The following KCNK2 variants were observed in gnomAD, a reference collection of about 807,000 sequenced individuals.
The protein encoded by KCNK2 is potassium channel subfamily K member 2.
A neutral mutation model predicts 40.5 loss-of-function variants in KCNK2; 21 were observed. The ratio of observed to expected loss-of-function variants is 0.52; its 90% CI spans 0.37 to 0.75. KCNK2 has a LOEUF of 0.75. Ranked by LOEUF, KCNK2 falls within the 30% of genes least tolerant of loss-of-function variation. The pLI, the probability that KCNK2 is intolerant of heterozygous loss-of-function variation, is 0.00. For synonymous variants in KCNK2, 191 were observed against 202.2 expected (o/e 0.94, Z 0.47); for missense variants, 399 against 531.6 (o/e 0.75, Z 2.45).
At chr1:215,173,682 T>C (rs1175872910) in intron 5 of KCNK2, among the ~76,000 whole-genome samples, 1 of 152,200 alleles carries the variant, frequency 6.6e-6, no homozygotes, top group Non-Finnish European at 1.5e-5. Flanking sequence ...TGAGATGGTG[T>C]CTCATTGTGG....
intron 1 of KCNK2, among the ~76,000 whole-genome samples, chr1:215,059,767 T>C (rs947241111): frequency 9.9e-5 from 15 of 152,054 alleles, no homozygotes; most frequent in Admixed American, 6.5e-5. Context: ...GGGAGAAAGA[T>C]AGAAAAGAAG....
intron 6 of KCNK2, among the ~76,000 whole-genome samples, chr1:215,202,253 G>A (rs2102674217): frequency 6.6e-6 from 1 of 152,292 alleles, no homozygotes; most frequent in African/African-American, 2.4e-5. Context: ...CACGGGGAGA[G>A]GGGTGTCCTT....
chr1:215,029,567 A>G (rs1657113844), intron 1 of KCNK2, among the ~76,000 whole-genome samples: 1 of 146,994 alleles, frequency 6.8e-6, no homozygotes, highest in East Asian at 1.9e-4. Flanking sequence ...ATTAATATAT[A>G]TTTAATATAT....
chr1:215,208,088 A>G (rs1011250521), intron 6 of KCNK2, among the ~76,000 whole-genome samples: 1 of 152,220 alleles, frequency 6.6e-6, no homozygotes, highest in East Asian at 1.9e-4. Flanking sequence ...TCACTGCAAC[A>G]CTATTCACAA....
chr1:215,139,612 C>A (rs1297997058), intron 3 of KCNK2, among the ~76,000 whole-genome samples: 1 of 152,066 alleles, frequency 6.6e-6, no homozygotes, highest in East Asian at 1.9e-4. Context: ...GGTGAAATCC[C>A]ATCTCTACTA....
rs1666872743 is a variant in KCNK2, at chr1:215,236,056, CTAT to C, written c.*912_*914del. The C allele has an allele frequency of 5.1e-5, 2 of 39,268 alleles. No individual in the cohort carries two copies. Among genetic ancestry groups the C allele is most frequent in the Admixed American group, 2.8e-4 (1 of 3,516 alleles). The allele number at this position is 39,268 out of a possible 1,614,324, so 2.4% of individuals were successfully genotyped here. On this transcript the variant is annotated 3_prime_UTR_variant, in exon 7 of 7. Transcript: ENST00000444842. The stretch of plus-strand genomic sequence containing the variant: ...AGGCAGAAGAAGAAAATCTATCTAT[CTAT>C]CTATCTATCTATCTATCTATCTATC...
At chr1:215,015,818 C>T (rs150900125) in intron 1 of KCNK2, among the ~76,000 whole-genome samples, 9 of 152,138 alleles carry the variant, frequency 5.9e-5, no homozygotes, top group African/African-American at 1.7e-4. Flanking sequence ...TGGACTGAAA[C>T]GATAATACTG....
In KCNK2 at chr1:215,166,887, G is replaced by A. The variant is rs575048723; in HGVS notation, c.476-2312G>A. ...AAGAAAGTGTAGGATTTCTCTCAAG[G>A]AATTGAGTTACTACGTGGTTCAACA... On this transcript the variant is annotated intron_variant, in intron 3 of 6. Coordinates refer to ENST00000444842, the MANE Select transcript of KCNK2 (RefSeq NM_001017425.3). 6.6e-5 allele frequency among the ~76,000 whole-genome samples: 10 copies of A among 152,060 alleles called. No individual in the cohort carries two copies. The East Asian group carries it at 7.7e-4, about 12-fold the overall frequency.
At chr1:215,152,229 G>A (rs1426868224) in intron 3 of KCNK2, among the ~76,000 whole-genome samples, 1 of 151,976 alleles carries the variant, frequency 6.6e-6, no homozygotes, top group Non-Finnish European at 1.5e-5. Context: ...TGAGTAGATA[G>A]AACATTTTAG....
intron 1 of KCNK2, among the ~76,000 whole-genome samples, chr1:215,085,626 C>T (rs1343747153): frequency 6.6e-6 from 1 of 152,178 alleles, no homozygotes; most frequent in Admixed American, 6.5e-5. Flanking sequence ...AAGGAAGTTA[C>T]TTGTCTTCTC....
intron 1 of KCNK2, among the ~76,000 whole-genome samples, chr1:215,006,656 G>A (rs1259231954): frequency 3.9e-5 from 6 of 151,998 alleles, no homozygotes; most frequent in Non-Finnish European, 7.4e-5. Flanking sequence ...ATTAAATGTA[G>A]CAAAGTCCAT....
Position 215,216,784 on chromosome 1 carries a change from G to A in KCNK2, c.964-18044G>A, listed in dbSNP as rs569763186. ...TTTTTAATAATAAATCTTCAAAATC[G>A]GTGTGTATGTTACACTTAGAGCACA... On this transcript the variant is annotated intron_variant, in intron 6 of 6. Coordinates refer to ENST00000444842, the MANE Select transcript of KCNK2 (RefSeq NM_001017425.3). 3.3e-5 allele frequency among the ~76,000 whole-genome samples: 5 copies of A among 152,040 alleles called. No individual in the cohort carries two copies. The South Asian group carries it at 1.0e-3, about 32-fold the overall frequency.
At position 215,123,427 on chromosome 1, in the gene KCNK2, A is replaced by G. The variant is rs140680723; in HGVS notation, c.358-1206A>G. On this transcript the variant is annotated intron_variant, in intron 2 of 6. Transcript: ENST00000444842. Reference sequence around the variant, plus strand: ...TATTTTTTTTTTTTACAAAGATCATATATCACTGTTAAAGTAAATAAAAGC... The same window carrying G: ...TATTTTTTTTTTTTACAAAGATCATGTATCACTGTTAAAGTAAATAAAAGC... Among the ~76,000 whole-genome samples the G allele has an allele frequency of 5.0e-3, 759 of 151,694 alleles. 5 individuals carry two copies. The highest frequency in any genetic ancestry group is 0.014 in the Middle Eastern group (4 of 294).
intron 1 of KCNK2, among the ~76,000 whole-genome samples, chr1:215,073,372 T>C (rs1044031879): frequency 2.6e-5 from 4 of 152,198 alleles, no homozygotes; most frequent in Non-Finnish European, 5.9e-5. Context: ...TAATAATTCT[T>C]GCAAAGGGGT....
Position 215,234,953 on chromosome 1 carries a change from G to A in KCNK2, c.1089G>A (p.Arg363=), listed in dbSNP as rs1325886790. ...TCCAGCGGGCCACCTCCATCAAGCG[G>A]AAGCTCTCGGCAGAACTGGCTGGAA... is the stretch of plus-strand genomic sequence containing the variant. The part of the protein sequence containing the change: ...DKFQRATSIK[R]KLSAELAGNH... Residue 363 remains arginine, a synonymous_variant, in exon 7 of 7, where the codon CGG becomes CGA. Coordinates refer to ENST00000444842, the MANE Select transcript of KCNK2 (RefSeq NM_001017425.3). The A allele has an allele frequency of 6.2e-7, 1 of 1,614,074 alleles. No homozygotes were observed. Among genetic ancestry groups the A allele is most frequent in the African/African-American group, 1.3e-5 (1 of 75,022 alleles).
rs780429822 is a variant in KCNK2 at position 215,234,956 on chromosome 1, G to T, written c.1092G>T (p.Lys364Asn). ...KFQRATSIKR[K>N]LSAELAGNHN... ...AGCGGGCCACCTCCATCAAGCGGAAGCTCTCGGCAGAACTGGCTGGAAACC... is the reference window on the plus strand; with the variant it reads ...AGCGGGCCACCTCCATCAAGCGGAATCTCTCGGCAGAACTGGCTGGAAACC... Residue 364 changes from lysine to asparagine, a missense_variant, in exon 7 of 7, where the codon AAG becomes AAT. This residue lies in a region of KCNK2 where 103 missense variants were observed against 124.3 expected (regional missense o/e 0.83). Transcript: ENST00000444842. The T allele has an allele frequency of 2.5e-6, 4 of 1,614,074 alleles. No individual in the cohort carries two copies. The highest frequency in any genetic ancestry group is 2.5e-6 in the Non-Finnish European group (3 of 1,180,004).
chr1:215,221,008 G>A (rs1002879018), intron 6 of KCNK2, among the ~76,000 whole-genome samples: 3 of 152,180 alleles, frequency 2.0e-5, no homozygotes, highest in Non-Finnish European at 4.4e-5. Context: ...CTTGAACAAT[G>A]CAGGAGTGAG....
At chr1:215,105,524 A>T (rs1231149677) in intron 2 of KCNK2, among the ~76,000 whole-genome samples, 1 of 152,112 alleles carries the variant, frequency 6.6e-6, no homozygotes, top group Admixed American at 6.6e-5. Flanking sequence ...TGCTGCAATA[A>T]ACATGGAAAT....
chr1:215,169,454 A>G, intron 4 of KCNK2, 95 bp downstream of exon 4: 1 of 932,488 alleles, frequency 1.1e-6, no homozygotes, highest in Non-Finnish European at 1.6e-6. Flanking sequence ...TTAGACATTC[A>G]ATTATTAGGG....
Sources: gnomAD v4.1 joint callset for allele counts (sites outside exome capture counted in the v4.1 genomes callset) on GRCh38, gnomAD v4.1.1 for gene constraint, gnomAD v4.1.1 regional missense constraint, MANE v1.5 for transcripts, NCBI Gene and HGNC (gene_info 2026-07-23, HGNC 2026-07-21) for gene names.